CACNB2: variants seen among roughly 807,000 people sequenced by gnomAD.
CACNB2 encodes calcium voltage-gated channel auxiliary subunit beta 2, also known as voltage-dependent L-type calcium channel subunit beta-2.
In CACNB2, 42 loss-of-function variants were observed where a neutral mutation model predicts 73.3. The observed-to-expected ratio is 0.57, with a 90% confidence interval of 0.45 to 0.74. The LOEUF (loss-of-function observed/expected upper bound fraction) is 0.74. Ranked by LOEUF, CACNB2 falls within the 30% of genes least tolerant of loss-of-function variation. CACNB2 has a pLI of 0.00. For missense variants in CACNB2, 940 were observed against 853.0 expected (o/e 1.10, Z -1.27); for synonymous variants, 348 against 310.3 (o/e 1.12, Z -1.28).
intron 5 of CACNB2, among the ~76,000 whole-genome samples, chr10:18,502,263 G>A (rs181963775): frequency 5.3e-5 from 8 of 151,806 alleles, no homozygotes; most frequent in South Asian, 2.1e-4. Context: ...GCCCAGATTC[G>A]TGCCACTGCA....
intron 3 of CACNB2, among the ~76,000 whole-genome samples, chr10:18,410,152 C>T (rs1045345261): frequency 6.6e-6 from 1 of 152,126 alleles, no homozygotes; most frequent in Non-Finnish European, 1.5e-5. Context: ...CCGTCCTGCC[C>T]GCCTCTTGCA....
In CACNB2 at chr10:18,537,547, C is replaced by T. The variant is rs935987455; in HGVS notation, c.1303-633C>T. The stretch of plus-strand genomic sequence containing the variant: ...ATCCCAGCACTTTGGGAGGCCGAGG[C>T]GGGTGAATCACTTGAGGCCAGGAGT... On this transcript the variant is annotated intron_variant, in intron 12 of 13. Transcript: ENST00000324631. Among the ~76,000 whole-genome samples the T allele has an allele frequency of 2.0e-5, 3 of 151,846 alleles. No homozygotes were observed. In the South Asian group the frequency reaches 6.3e-4, roughly 32 times the overall value.
At chr10:18,512,293 G>A (rs1018386533) in intron 6 of CACNB2, among the ~76,000 whole-genome samples, 3 of 152,066 alleles carry the variant, frequency 2.0e-5, no homozygotes, top group Non-Finnish European at 2.9e-5. Flanking sequence ...GTCTTCCAAT[G>A]TCATTTTATT....
At chr10:18,468,157 A>G (rs1385564058) in intron 3 of CACNB2, among the ~76,000 whole-genome samples, 1 of 152,104 alleles carries the variant, frequency 6.6e-6, no homozygotes, top group African/African-American at 2.4e-5. Context: ...TCTCAGGATT[A>G]CTGAAAAACT....
At chr10:18,299,062 T>A (rs1365324309) in intron 2 of CACNB2, among the ~76,000 whole-genome samples, 7 of 32,458 alleles carry the variant, frequency 2.2e-4, no homozygotes, top group East Asian at 9.1e-4. Flanking sequence ...AAACTTAAAG[T>A]ATACTAAAAA....
At chr10:18,520,792 C>T (rs1461303526) in intron 9 of CACNB2, among the ~76,000 whole-genome samples, 9 of 152,208 alleles carry the variant, frequency 5.9e-5, no homozygotes, top group Non-Finnish European at 4.4e-5. Flanking sequence ...CTTTGCAGTT[C>T]CTTCTGCTAG....
chr10:18,291,616 CAG>C (rs1379696130), intron 2 of CACNB2, among the ~76,000 whole-genome samples: 4 of 152,100 alleles, frequency 2.6e-5, no homozygotes, highest in African/African-American at 9.7e-5. Flanking sequence ...TCTGGCAAAC[CAG>C]AGAACTTTTT....
At chr10:18,473,057 T>C (rs1489667131) in intron 3 of CACNB2, among the ~76,000 whole-genome samples, 1 of 152,226 alleles carries the variant, frequency 6.6e-6, no homozygotes, top group African/African-American at 2.4e-5. Flanking sequence ...CAAATTTGCA[T>C]TGTTGTTCGG....
intron 2 of CACNB2, among the ~76,000 whole-genome samples, chr10:18,322,956 A>ATT (rs2040448685): frequency 7.8e-6 from 1 of 128,778 alleles, no homozygotes; most frequent in African/African-American, 2.8e-5. Context: ...TTATGGTGAT[A>ATT]TTCTTTTTTT....
At position 18,518,899 on chromosome 10, in the gene CACNB2, C is replaced by T; in HGVS notation, c.886-11C>T. On this transcript the variant is annotated splice_polypyrimidine_tract_variant and intron_variant, in intron 8 of 13. Coordinates refer to ENST00000324631, the MANE Select transcript of CACNB2 (RefSeq NM_201596.3). Reference sequence around the variant, plus strand: ...TGGTCATATCTTAATTTATTGCTTGCTCAATTGCAGGTCACAGATATGATG... The same window carrying T: ...TGGTCATATCTTAATTTATTGCTTGTTCAATTGCAGGTCACAGATATGATG... 6.2e-7 allele frequency: 1 copy of T among 1,611,926 alleles called. No homozygotes were observed. Among genetic ancestry groups the T allele is most frequent in the Non-Finnish European group, 8.5e-7 (1 of 1,178,192 alleles).
At chr10:18,213,612 C>G (rs1000427787) in intron 2 of CACNB2, among the ~76,000 whole-genome samples, 1 of 152,194 alleles carries the variant, frequency 6.6e-6, no homozygotes, top group African/African-American at 2.4e-5. Context: ...GTAAAACTCT[C>G]TACTACTAGA....
chr10:18,466,403 C>T (rs1460150924), intron 3 of CACNB2, among the ~76,000 whole-genome samples: 1 of 151,906 alleles, frequency 6.6e-6, no homozygotes, highest in African/African-American at 2.4e-5. Context: ...CCATGCCCAG[C>T]TAAATTTTTT....
At chr10:18,533,940 A>C in intron 10 of CACNB2, 136 bp from the exon 11 acceptor site, 1 of 763,328 alleles carries the variant, frequency 1.3e-6, no homozygotes, top group Non-Finnish European at 2.2e-6. Flanking sequence ...TACTGTTGTA[A>C]ATTTTTATCA....
At chr10:18,284,807 A>AT (rs1273385250) in intron 2 of CACNB2, among the ~76,000 whole-genome samples, 1 of 152,184 alleles carries the variant, frequency 6.6e-6, no homozygotes, top group African/African-American at 2.4e-5. Context: ...AAAACAAAAA[A>AT]ATATATAGAA....
intron 2 of CACNB2, among the ~76,000 whole-genome samples, chr10:18,153,217 G>A (rs916584202): frequency 8.2e-6 from 1 of 121,816 alleles, no homozygotes; most frequent in South Asian, 2.6e-4. Flanking sequence ...ATCCCAAAGG[G>A]TAAATATACA....
At chr10:18,461,726 C>T (rs1361629770) in intron 3 of CACNB2, among the ~76,000 whole-genome samples, 1 of 149,638 alleles carries the variant, frequency 6.7e-6, no homozygotes, top group Admixed American at 6.7e-5. Context: ...CCGCCCCCAG[C>T]TGTGCAGGAG....
intron 2 of CACNB2, among the ~76,000 whole-genome samples, chr10:18,254,330 A>G (rs1332877927): frequency 1.3e-5 from 2 of 152,236 alleles, no homozygotes; most frequent in Non-Finnish European, 2.9e-5. Flanking sequence ...AGTGTAGTCT[A>G]CCTCAATAAC....
At chr10:18,431,555 A>G (rs921958148) in intron 3 of CACNB2, among the ~76,000 whole-genome samples, 5 of 152,202 alleles carry the variant, frequency 3.3e-5, no homozygotes, top group African/African-American at 4.8e-5. Context: ...CTGAAAGTCT[A>G]TGATATGAAA....
chr10:18,411,381 C>T (rs902302294), intron 3 of CACNB2, among the ~76,000 whole-genome samples: 1 of 152,060 alleles, frequency 6.6e-6, no homozygotes, highest in Non-Finnish European at 1.5e-5. Context: ...CTTCCACTCA[C>T]CTCTAATGTT....
Sources: gnomAD v4.1 joint callset for allele counts (sites outside exome capture counted in the v4.1 genomes callset) on GRCh38, gnomAD v4.1.1 for gene constraint, MANE v1.5 for transcripts, NCBI Gene and HGNC (gene_info 2026-07-23, HGNC 2026-07-21) for gene names.